The following LSAMP variants were observed in gnomAD, a reference collection of about 807,000 sequenced individuals.
LSAMP encodes the protein limbic system associated membrane protein.
Under a neutral mutation model 38.6 loss-of-function variants are expected in LSAMP, and 7 were observed. The ratio of observed to expected loss-of-function variants is 0.18; its 90% confidence interval spans 0.10 to 0.34. The LOEUF is 0.34. Among genes scored for constraint, LSAMP ranks in the 10% least tolerant of loss-of-function variants. The pLI is 1.00. For synonymous variants in LSAMP, 154 were observed against 166.8 expected, an observed-to-expected ratio of 0.92 and a Z score of 0.59; for missense variants, 313 against 420.0, an observed-to-expected ratio of 0.75 and a Z score of 2.23.
At chr3:116,047,754 A>T (rs534604180) in intron 2 of LSAMP, among the ~76,000 whole-genome samples, 332 of 152,268 alleles carry the variant, frequency 2.2e-3, no homozygotes, top group Middle Eastern at 6.8e-3. Flanking sequence ...TATAATTTTT[A>T]AATTATTTTT....
intron 3 of LSAMP, among the ~76,000 whole-genome samples, chr3:115,871,635 GAGACAA>G (rs1274172102): frequency 2.1e-5 from 3 of 139,782 alleles, no homozygotes; most frequent in African/African-American, 8.6e-5. Flanking sequence ...GACAGACAGA[GAGACAA>G]AGAGAGAGAG....
chr3:115,989,950 C>T (rs576713937), intron 3 of LSAMP, among the ~76,000 whole-genome samples: 2 of 152,026 alleles, frequency 1.3e-5, no homozygotes, highest in African/African-American at 4.8e-5. Flanking sequence ...AAGAACAACC[C>T]GTGTACATTC....
At chr3:116,040,421 G>GA (rs1941143275) in intron 2 of LSAMP, among the ~76,000 whole-genome samples, 1 of 144,822 alleles carries the variant, frequency 6.9e-6, no homozygotes, top group South Asian at 2.2e-4. Context: ...AGCTCATCTG[G>GA]ACAAAAAAAC....
intron 1 of LSAMP, among the ~76,000 whole-genome samples, chr3:116,389,768 G>T (rs2048668768): frequency 6.6e-6 from 1 of 152,052 alleles, no homozygotes; most frequent in Non-Finnish European, 1.5e-5. Context: ...ATCCTCTACT[G>T]ACTTCTGAAC....
chr3:116,217,171 A>G (rs1271716155), intron 1 of LSAMP, among the ~76,000 whole-genome samples: 1 of 152,170 alleles, frequency 6.6e-6, no homozygotes, highest in East Asian at 1.9e-4. Context: ...ACCTTCACCA[A>G]ACAGGTAAAT....
intron 1 of LSAMP, among the ~76,000 whole-genome samples, chr3:116,205,050 CATTT>C (rs1203798947): frequency 1.4e-5 from 2 of 142,466 alleles, no homozygotes; most frequent in Non-Finnish European, 3.1e-5. Context: ...AATGTTCTTC[CATTT>C]GTTTGTATCC....
chr3:115,915,895 T>C (rs1054332413), intron 3 of LSAMP, among the ~76,000 whole-genome samples: 1 of 152,128 alleles, frequency 6.6e-6, no homozygotes, highest in Non-Finnish European at 1.5e-5. Context: ...CCTCCCAAAG[T>C]GCTGAAATAT....
intron 1 of LSAMP, among the ~76,000 whole-genome samples, chr3:116,210,165 GATA>G (rs1162712134): frequency 1.3e-4 from 20 of 152,324 alleles, no homozygotes; most frequent in African/African-American, 2.4e-4. Context: ...TGATGATGGT[GATA>G]ATGATGATGA....
intron 3 of LSAMP, among the ~76,000 whole-genome samples, chr3:115,999,182 T>C (rs371462750): frequency 6.6e-6 from 1 of 152,158 alleles, no homozygotes; most frequent in African/African-American, 2.4e-5. Context: ...CAAAGAGGGC[T>C]GCTCAGCTGC....
chr3:116,218,693 C>T (rs1206939328), intron 1 of LSAMP, among the ~76,000 whole-genome samples: 1 of 152,110 alleles, frequency 6.6e-6, no homozygotes. Context: ...AGTGGCTATT[C>T]ACAGGCATGA....
chr3:116,163,486 T>A (rs1709952061), intron 1 of LSAMP, among the ~76,000 whole-genome samples: 1 of 150,784 alleles, frequency 6.6e-6, no homozygotes, highest in South Asian at 2.1e-4. Context: ...TGTTGGACAT[T>A]TGGGTTGGTT....
In LSAMP at chr3:116,164,232, A is replaced by G. The variant is rs186059093; in HGVS notation, c.156-77676T>C. 1.1e-3 allele frequency among the ~76,000 whole-genome samples: 168 copies of G among 152,166 alleles called. 5 individuals are homozygous for G. Among genetic ancestry groups the G allele is most frequent in the Non-Finnish European group, 2.2e-4 (15 of 67,990 alleles). ...TTAGAAAGAAGTGTCTGGTTTCCAC[A>G]GTTAGATTATTTAACACTCACCAAC... is the stretch of plus-strand genomic sequence containing the variant. On this transcript the variant is annotated intron_variant, in intron 1 of 6. Transcript: ENST00000490035.
chr3:115,994,328 C>T (rs1314806602), intron 3 of LSAMP, among the ~76,000 whole-genome samples: 3 of 152,042 alleles, frequency 2.0e-5, no homozygotes, highest in African/African-American at 7.2e-5. Flanking sequence ...AAAGAATAGT[C>T]AGTCTCACTA....
intron 1 of LSAMP, among the ~76,000 whole-genome samples, chr3:116,402,722 C>T (rs547767725): frequency 6.6e-6 from 1 of 151,740 alleles, no homozygotes; most frequent in South Asian, 2.1e-4. Context: ...TGCACTATAA[C>T]TGTCTTCAGT....
intron 3 of LSAMP, among the ~76,000 whole-genome samples, chr3:115,986,503 A>G (rs1174584988): frequency 6.6e-6 from 1 of 152,170 alleles, no homozygotes; most frequent in African/African-American, 2.4e-5. Context: ...TTTTTATTTA[A>G]TTGAGAAATT....
intron 2 of LSAMP, among the ~76,000 whole-genome samples, chr3:116,053,119 C>T (rs1047358002): frequency 3.9e-5 from 6 of 152,160 alleles, no homozygotes; most frequent in African/African-American, 1.4e-4. Context: ...TGGATCTCAA[C>T]AGTAAAACTG....
intron 1 of LSAMP, among the ~76,000 whole-genome samples, chr3:116,234,309 T>C (rs1041045828): frequency 1.3e-5 from 2 of 152,174 alleles, no homozygotes; most frequent in Non-Finnish European, 2.9e-5. Context: ...GAAGAAAGAA[T>C]GAAAGGGCGT....
intron 1 of LSAMP, among the ~76,000 whole-genome samples, chr3:116,370,812 C>T (rs1168666389): frequency 2.6e-5 from 4 of 152,032 alleles, no homozygotes; most frequent in Non-Finnish European, 4.4e-5. Context: ...ATAAGATCAA[C>T]AACATTGACA....
intron 3 of LSAMP, among the ~76,000 whole-genome samples, chr3:115,856,524 C>T (rs1308402543): frequency 1.3e-5 from 2 of 151,672 alleles, no homozygotes; most frequent in Non-Finnish European, 2.9e-5. Context: ...GAGGCTGAGG[C>T]AGCAGAATTG....
Sources: allele counts gnomAD v4.1 joint callset (sites outside exome capture counted in the v4.1 genomes callset), GRCh38; gene constraint gnomAD v4.1.1; transcripts MANE v1.5; gene names NCBI Gene and HGNC (gene_info 2026-07-23, HGNC 2026-07-21).